C14orf39: variants seen among roughly 807,000 people sequenced by gnomAD.
C14orf39 encodes protein SIX6OS1.
In C14orf39, 66 loss-of-function variants were observed where a neutral mutation model predicts 85.6. That is an observed-to-expected ratio of 0.77 (90% CI 0.63 to 0.95). The LOEUF (loss-of-function observed/expected upper bound fraction) is 0.95. C14orf39 is among the 40% of genes least tolerant of loss of function. The probability of loss-of-function intolerance (pLI) is 0.00; values close to 1 mark genes in which losing one functional copy is unlikely to be tolerated. For missense variants in C14orf39, 735 were observed against 663.9 expected, an observed-to-expected ratio of 1.11 and a Z score of -1.18; for synonymous variants, 242 against 214.0, an observed-to-expected ratio of 1.13 and a Z score of -1.14.
chr14:60,437,490 A>C (rs1377173986), intron 17 of C14orf39, among the ~76,000 whole-genome samples: 2 of 151,982 alleles, frequency 1.3e-5, no homozygotes, highest in Non-Finnish European at 2.9e-5. Context: ...CCCACTATGG[A>C]ATCTGGACTT....
chr14:60,509,726 G>T lies in C14orf39; in HGVS notation c.-144+5669C>A, dbSNP rs1594631394. ...GCTGCGTGGAAGACCCCTGGGACCT[G>T]TGGACAAGTACCGAGTAAGGAAGAA... On this transcript the variant is annotated intron_variant, in intron 1 of 5. Coordinates refer to the C14orf39 transcript ENST00000556799. The T allele has an allele frequency of 6.2e-7, 1 of 1,614,150 alleles. No homozygotes were observed.
rs1891767515 is a variant in C14orf39 at position 60,465,980 on chromosome 14, T to C, written c.971A>G (p.Gln324Arg). ...TACTACTAAAAGTGAGACACCTACCTGTGTATCATTTTCTTTTTGTCTAAA... is the reference window on the plus strand; with the variant it reads ...TACTACTAAAAGTGAGACACCTACCCGTGTATCATTTTCTTTTTGTCTAAA... ...IDFRQKENDTQIFNDSAVDNH... is the reference protein window; with the variant it reads ...IDFRQKENDTRIFNDSAVDNH... The change falls in exon 11 of 18, where the codon CAG (glutamine) becomes CGG (arginine). Residue 324 changes from glutamine (Q) to arginine (R), a missense_variant and splice_region_variant. Transcript: ENST00000321731. 1 of 1,535,160 alleles carries C rather than the reference T, an allele frequency of 6.5e-7. No individual in the cohort carries two copies. The highest frequency in any genetic ancestry group is 8.8e-7 in the Non-Finnish European group (1 of 1,140,124).
intron 1 of C14orf39, chr14:60,509,571 C>T: frequency 3.1e-6 from 5 of 1,612,676 alleles, no homozygotes; most frequent in Non-Finnish European, 4.2e-6. Flanking sequence ...CGCGCACGAG[C>T]CATCGTGGCC....
At chr14:60,506,713 A>G (rs1385715983) in intron 1 of C14orf39, among the ~76,000 whole-genome samples, 2 of 152,288 alleles carry the variant, frequency 1.3e-5, no homozygotes, top group East Asian at 1.9e-4. Flanking sequence ...CCAAGCCACC[A>G]GACAGTGCTC....
At chr14:60,479,775 T>A (rs559483593) in intron 4 of C14orf39, among the ~76,000 whole-genome samples, 2 of 152,302 alleles carry the variant, frequency 1.3e-5, no homozygotes, top group South Asian at 2.1e-4. Flanking sequence ...ACTGTTAACA[T>A]CTTCCCATAT....
chr14:60,467,174 G>T, intron 9 of C14orf39, 130 bp from the exon 10 acceptor site: 1 of 377,090 alleles, frequency 2.7e-6, no homozygotes, highest in Non-Finnish European at 4.4e-6. Context: ...GAGTTCCAAA[G>T]AATTTAATAG....
chr14:60,449,227 T>C (rs1180183890), intron 16 of C14orf39, among the ~76,000 whole-genome samples: 2 of 152,086 alleles, frequency 1.3e-5, no homozygotes, highest in Admixed American at 1.3e-4. Context: ...CAAACCCAAT[T>C]ATTTTCTTTT....
intron 4 of C14orf39, among the ~76,000 whole-genome samples, chr14:60,481,848 T>G (rs2140156462): frequency 6.6e-6 from 1 of 152,294 alleles, no homozygotes; most frequent in Non-Finnish European, 1.5e-5. Context: ...TTTATGTTTT[T>G]AAACAATCCT....
At chr14:60,455,777 T>C (rs1468975180) in intron 15 of C14orf39, among the ~76,000 whole-genome samples, 1 of 152,128 alleles carries the variant, frequency 6.6e-6, no homozygotes, top group African/African-American at 2.4e-5. Context: ...AGGATAATAA[T>C]GTACCTACAC....
chr14:60,508,323 T>G (rs768676738), intron 1 of C14orf39, among the ~76,000 whole-genome samples: 2 of 152,110 alleles, frequency 1.3e-5, no homozygotes, highest in African/African-American at 2.4e-5. Context: ...ACCAATGACT[T>G]CTCGGCTCTA....
chr14:60,452,811 A>AT, intron 16 of C14orf39, among the ~76,000 whole-genome samples: 1 of 151,524 alleles, frequency 6.6e-6, no homozygotes, highest in Non-Finnish European at 1.5e-5. Context: ...AAATAAATAA[A>AT]ATTTTTTTCT....
At chr14:60,459,077 T>C (rs1173069439) in intron 13 of C14orf39, among the ~76,000 whole-genome samples, 1 of 151,812 alleles carries the variant, frequency 6.6e-6, no homozygotes, top group Non-Finnish European at 1.5e-5. Context: ...TTGCTTTATA[T>C]TGTTTTATCA....
At chr14:60,506,976 A>C (rs1796703362) in intron 1 of C14orf39, among the ~76,000 whole-genome samples, 1 of 152,216 alleles carries the variant, frequency 6.6e-6, no homozygotes, top group South Asian at 2.1e-4. Context: ...TGCCGCTTCC[A>C]AACTGTCCAG....
At chr14:60,492,037 G>A (rs745475887) in intron 2 of C14orf39, among the ~76,000 whole-genome samples, 36 of 152,298 alleles carry the variant, frequency 2.4e-4, no homozygotes, top group Non-Finnish European at 3.7e-4. Flanking sequence ...CCACTTGGGT[G>A]TTTTCTGCAA....
intron 4 of C14orf39, among the ~76,000 whole-genome samples, chr14:60,480,651 C>T (rs549136369): frequency 2.6e-5 from 4 of 152,256 alleles, no homozygotes; most frequent in Admixed American, 2.0e-4. Context: ...GATATCTGCC[C>T]TCCCATGTTC....
intron 16 of C14orf39, among the ~76,000 whole-genome samples, chr14:60,451,859 T>C (rs1208359072): frequency 1.3e-5 from 2 of 151,854 alleles, no homozygotes; most frequent in Non-Finnish European, 2.9e-5. Context: ...ATTTTAAAAA[T>C]TAAAAATAAA....
chr14:60,495,119 G>C lies in C14orf39; in HGVS notation c.-9+4177C>G, dbSNP rs772443369. The C allele has an allele frequency of 2.5e-5, 6 of 236,536 alleles. 1 individual carries two copies. Among genetic ancestry groups the C allele is most frequent in the Non-Finnish European group, 5.3e-5 (6 of 113,830 alleles). The allele number at this position is 236,536 out of a possible 1,614,324, so 14.7% of individuals were successfully genotyped here. A position where few individuals can be genotyped will look rare whatever the true frequency, so the allele number is the denominator to read the frequency against. On this transcript the variant is annotated intron_variant, in intron 2 of 5. Transcript: ENST00000556799. ...AAGTTGCCTTTGGTAGAAAAAGCTTGGCCATAGATCTTACATTGGAACAGT... is the reference window on the plus strand; with the variant it reads ...AAGTTGCCTTTGGTAGAAAAAGCTTCGCCATAGATCTTACATTGGAACAGT...
chr14:60,496,055 T>A, intron 2 of C14orf39: 1 of 774,882 alleles, frequency 1.3e-6, no homozygotes, highest in Non-Finnish European at 2.1e-6. Flanking sequence ...GCTTGGCTTG[T>A]TTCAAGGCAT....
At chr14:60,505,895 AGGG>A (rs1893196737) in intron 1 of C14orf39, among the ~76,000 whole-genome samples, 1 of 152,150 alleles carries the variant, frequency 6.6e-6, no homozygotes, top group African/African-American at 2.4e-5. Context: ...GAAAATCAGT[AGGG>A]GCAGAGCGAG....
Sources: gnomAD v4.1 joint callset for allele counts (sites outside exome capture counted in the v4.1 genomes callset) on GRCh38, gnomAD v4.1.1 for gene constraint, MANE v1.5 for transcripts, NCBI Gene and HGNC (gene_info 2026-07-23, HGNC 2026-07-21) for gene names.